Variants in TTC28 observed in about 807,000 individuals in gnomAD.
TTC28 encodes tetratricopeptide repeat protein 28.
In TTC28, 61 loss-of-function variants were observed where a neutral mutation model predicts 198.0. The ratio of observed to expected loss-of-function variants is 0.31; its 90% CI spans 0.25 to 0.38. TTC28 has a LOEUF of 0.38. TTC28 is among the 10% of genes least tolerant of loss of function. The pLI is 1.00. For synonymous variants in TTC28, 1,171 were observed against 1,297.8 expected (o/e 0.90, Z 2.10); for missense variants, 2,678 against 3,164.0 (o/e 0.85, Z 3.69).
At chr22:28,322,726 T>C (rs546863544) in intron 2 of TTC28, among the ~76,000 whole-genome samples, 14 of 152,326 alleles carry the variant, frequency 9.2e-5, no homozygotes, top group African/African-American at 3.4e-4. Context: ...ACAAAGTTAG[T>C]AGCTTAAAAC....
At chr22:28,167,883 C>T (rs1922190627) in intron 5 of TTC28, among the ~76,000 whole-genome samples, 1 of 152,166 alleles carries the variant, frequency 6.6e-6, no homozygotes, top group South Asian at 2.1e-4. Context: ...GTCAAATTGT[C>T]CCTGTTTGCA....
At chr22:28,182,718 C>A (rs1346703338) in intron 5 of TTC28, among the ~76,000 whole-genome samples, 1 of 152,180 alleles carries the variant, frequency 6.6e-6, no homozygotes, top group Admixed American at 6.5e-5. Flanking sequence ...AAATGTCCCC[C>A]AGTCTCAGCT....
rs539443968 is a variant in TTC28, at chr22:28,671,803, G to A, written c.102+7819C>T. Among the ~76,000 whole-genome samples the A allele has an allele frequency of 2.0e-5, 3 of 151,566 alleles. No individual in the cohort carries two copies. The South Asian group carries it at 6.3e-4, about 32-fold the overall frequency. The stretch of plus-strand genomic sequence containing the variant: ...TGATTCTCCTGCCTCAGCCACCCAA[G>A]TAACTGGGATTACAGGCGCCTGCCA... On this transcript the variant is annotated intron_variant, in intron 1 of 22. Coordinates refer to ENST00000397906, the MANE Select transcript of TTC28 (RefSeq NM_001145418.2).
chr22:28,494,728 T>C (rs952478994), intron 2 of TTC28, among the ~76,000 whole-genome samples: 4 of 150,278 alleles, frequency 2.7e-5, no homozygotes, highest in Non-Finnish European at 4.4e-5. Flanking sequence ...AACAAAGTCA[T>C]GCATCTGAAT....
At chr22:28,522,946 T>C (rs771606447) in intron 2 of TTC28, among the ~76,000 whole-genome samples, 2 of 151,862 alleles carry the variant, frequency 1.3e-5, no homozygotes, top group African/African-American at 2.4e-5. Flanking sequence ...ATAAAAATCT[T>C]CTGGAATTAG....
At position 28,190,290 on chromosome 22, in the gene TTC28, G is replaced by A. The variant is rs117648064; in HGVS notation, c.934-26691C>T. Among the ~76,000 whole-genome samples the A allele has an allele frequency of 5.3e-5, 8 of 152,198 alleles. No homozygotes were observed. In the East Asian group the frequency reaches 1.4e-3, roughly 26 times the overall value. On this transcript the variant is annotated intron_variant, in intron 5 of 22. Transcript: ENST00000397906. ...TTTAATCTTCACCACAATTCTACACGACAGATAATATTTTCATCCCCACTT... is the reference window on the plus strand; with the variant it reads ...TTTAATCTTCACCACAATTCTACACAACAGATAATATTTTCATCCCCACTT...
intron 21 of TTC28, 113 bp from the exon 22 acceptor site, chr22:27,985,469 A>G: frequency 1.2e-6 from 1 of 842,500 alleles, no homozygotes; most frequent in Non-Finnish European, 1.8e-6. Context: ...AAGGCCCTTC[A>G]GCAAGCATTT....
chr22:28,430,391 C>CTCA (rs2047413827), intron 2 of TTC28, among the ~76,000 whole-genome samples: 1 of 152,090 alleles, frequency 6.6e-6, no homozygotes, highest in Non-Finnish European at 1.5e-5. Flanking sequence ...TGCTACAGAT[C>CTCA]TCAAACTGAT....
rs897978442 is a variant in TTC28, at chr22:28,339,841, C to T, written c.382-33198G>A. The stretch of plus-strand genomic sequence containing the variant: ...ATTCCCTGACCCCTTGTGCTTCCTG[C>T]GTGAGGCGACGCCTCACCCTTCTTT... On this transcript the variant is annotated intron_variant, in intron 2 of 22. Transcript: ENST00000397906. Among the ~76,000 whole-genome samples the T allele has an allele frequency of 3.3e-5, 5 of 152,134 alleles. No homozygotes were observed. The South Asian group carries it at 6.2e-4, about 19-fold the overall frequency.
At chr22:28,516,010 G>A (rs1209270134) in intron 2 of TTC28, among the ~76,000 whole-genome samples, 1 of 151,944 alleles carries the variant, frequency 6.6e-6, no homozygotes, top group Non-Finnish European at 1.5e-5. Flanking sequence ...ACCGGGCGTG[G>A]TCGTGTGCAC....
In TTC28 at chr22:28,336,839, T is replaced by C. The variant is rs577075761; in HGVS notation, c.382-30196A>G. On this transcript the variant is annotated intron_variant, in intron 2 of 22. Transcript: ENST00000397906. ...AGGGGCTTTTTGTGTCTCTATGACC[T>C]TCAGTTCTGCTCTGATTTTAGTTAT... Among the ~76,000 whole-genome samples the C allele has an allele frequency of 6.6e-5, 10 of 152,346 alleles. No homozygotes were observed. In the East Asian group the frequency reaches 1.4e-3, roughly 21 times the overall value.
At position 28,489,803 on chromosome 22, in the gene TTC28, A is replaced by T. The variant is rs922902031; in HGVS notation, c.381+139749T>A. ...CAACACATATATTAATTTAAAAAAT[A>T]AAAAAACAGGCTGGGTGTATTAGGG... On this transcript the variant is annotated intron_variant, in intron 2 of 22. Transcript: ENST00000397906. Among the ~76,000 whole-genome samples, 3 of 152,144 alleles carry T rather than the reference A, an allele frequency of 2.0e-5. No individual in the cohort carries two copies. In the South Asian group the frequency reaches 6.2e-4, roughly 31 times the overall value.
intron 2 of TTC28, among the ~76,000 whole-genome samples, chr22:28,328,251 G>C (rs554081440): frequency 3.3e-5 from 5 of 152,088 alleles, no homozygotes; most frequent in African/African-American, 1.2e-4. Flanking sequence ...GGGCAACATA[G>C]CAAGACCCCC....
At chr22:28,535,477 C>T (rs1037777330) in intron 2 of TTC28, among the ~76,000 whole-genome samples, 1 of 152,016 alleles carries the variant, frequency 6.6e-6, no homozygotes, top group African/African-American at 2.4e-5. Context: ...AATTTTATAC[C>T]TTTGAGATTC....
At chr22:28,165,971 G>C (rs1921886649) in intron 5 of TTC28, among the ~76,000 whole-genome samples, 1 of 152,084 alleles carries the variant, frequency 6.6e-6, no homozygotes. Context: ...TCAAAATAAA[G>C]GGACGGAGGA....
At chr22:28,401,131 G>T (rs1252443012) in intron 2 of TTC28, among the ~76,000 whole-genome samples, 2 of 151,552 alleles carry the variant, frequency 1.3e-5, no homozygotes, top group South Asian at 2.1e-4. Context: ...AAAAGGAGAA[G>T]TCTAAGAAGG....
chr22:28,255,824 AC>A (rs1228051851), intron 5 of TTC28, among the ~76,000 whole-genome samples: 4 of 152,092 alleles, frequency 2.6e-5, no homozygotes, highest in African/African-American at 9.7e-5. Context: ...TGCAAAAAAA[AC>A]ATATATTAAT....
intron 2 of TTC28, among the ~76,000 whole-genome samples, chr22:28,518,926 T>C (rs1355834383): frequency 6.6e-6 from 1 of 152,264 alleles, no homozygotes; most frequent in Non-Finnish European, 1.5e-5. Flanking sequence ...TCTGTTTTTC[T>C]TGTCAACTGT....
chr22:28,136,041 T>TATCACAGC (rs1943192186), intron 6 of TTC28, among the ~76,000 whole-genome samples: 1 of 152,212 alleles, frequency 6.6e-6, no homozygotes, highest in Admixed American at 6.5e-5. Flanking sequence ...CACAATAAAA[T>TATCACAGC]ATCACAGCAA....
Sources: allele counts gnomAD v4.1 joint callset (sites outside exome capture counted in the v4.1 genomes callset), GRCh38; gene constraint gnomAD v4.1.1; transcripts MANE v1.5; gene names NCBI Gene and HGNC (gene_info 2026-07-23, HGNC 2026-07-21).